The following FRMPD4 variants were observed in gnomAD, a reference collection of about 807,000 sequenced individuals.
FRMPD4 encodes FERM and PDZ domain containing 4, also known as FERM and PDZ domain-containing protein 4.
FRMPD4 carries 22 observed loss-of-function variants against 94.1 expected under a neutral mutation model. The observed-to-expected ratio is 0.23, with a 90% CI of 0.17 to 0.33. The LOEUF is 0.33. Ranked by LOEUF, FRMPD4 falls within the 10% of genes least tolerant of loss-of-function variation. The pLI is 1.00. For synonymous variants in FRMPD4, 631 were observed against 548.6 expected (o/e 1.15, Z -2.10); for missense variants, 1,111 against 1,339.9 (o/e 0.83, Z 2.67).
At chrX:12,457,686 T>TG (rs1388828567) in intron 1 of FRMPD4, among the ~76,000 whole-genome samples, 2 of 112,074 alleles carry the variant, frequency 1.8e-5, no homozygotes, top group Non-Finnish European at 3.8e-5. Context: ...GTCAGGTAAG[T>TG]GTTGATTCTT....
chrX:12,599,973 G>A (rs1245314485), intron 2 of FRMPD4, among the ~76,000 whole-genome samples: 1 of 111,242 alleles, frequency 9.0e-6, no homozygotes, highest in Non-Finnish European at 1.9e-5. Flanking sequence ...CAAATATTTT[G>A]CTATCACTGC....
At chrX:12,518,402 T>C (rs1006773116) in intron 2 of FRMPD4, among the ~76,000 whole-genome samples, 1 of 111,357 alleles carries the variant, frequency 9.0e-6, no homozygotes, top group Non-Finnish European at 1.9e-5. Context: ...AAAATAAAAC[T>C]AGAGCCCAAT....
chrX:11,889,756 G>A (rs1258289851), intron 3 of FRMPD4, among the ~76,000 whole-genome samples: 1 of 112,183 alleles, frequency 8.9e-6, no homozygotes, highest in Admixed American at 9.5e-5. Context: ...AGTCAACTGG[G>A]GCTGGAATGT....
intron 1 of FRMPD4, among the ~76,000 whole-genome samples, chrX:11,861,304 C>T (rs1331868615): frequency 2.7e-5 from 3 of 111,213 alleles, no homozygotes; most frequent in African/African-American, 9.8e-5. Flanking sequence ...GTGTATTCCT[C>T]CATGACTTCA....
At chrX:11,908,165 G>A (rs1010767719) in intron 3 of FRMPD4, among the ~76,000 whole-genome samples, 3 of 111,818 alleles carry the variant, frequency 2.7e-5, no homozygotes, top group Admixed American at 9.5e-5. Context: ...TGACTGCTCC[G>A]TGTGTAGGTC....
At chrX:11,933,051 A>G (rs1569128530) in intron 3 of FRMPD4, among the ~76,000 whole-genome samples, 1 of 111,541 alleles carries the variant, frequency 9.0e-6, no homozygotes, top group Non-Finnish European at 1.9e-5. Context: ...GGAGTTTAAG[A>G]CCGAGTCCCC....
At chrX:12,029,147 T>C (rs756599730) in intron 3 of FRMPD4, among the ~76,000 whole-genome samples, 1 of 112,397 alleles carries the variant, frequency 8.9e-6, no homozygotes, top group Non-Finnish European at 1.9e-5. Flanking sequence ...ACATTTGTTG[T>C]TGATAATGTT....
chrX:12,490,390 C>G (rs1219257118), intron 1 of FRMPD4, among the ~76,000 whole-genome samples: 1 of 110,944 alleles, frequency 9.0e-6, no homozygotes, highest in Non-Finnish European at 1.9e-5. Flanking sequence ...AGATGCTAGG[C>G]TAGAAGAAAA....
intron 3 of FRMPD4, among the ~76,000 whole-genome samples, chrX:11,903,358 A>G (rs1363043528): frequency 6.2e-5 from 7 of 112,591 alleles, no homozygotes; most frequent in Non-Finnish European, 5.6e-5. Context: ...TTGGCTGAAG[A>G]CCAGATTAAA....
chrX:12,125,064 C>T (rs1250256284), intron 3 of FRMPD4, among the ~76,000 whole-genome samples: 1 of 112,021 alleles, frequency 8.9e-6, no homozygotes, highest in East Asian at 2.8e-4. Context: ...TCTTAAGTCA[C>T]TGTGCAAGTG....
intron 3 of FRMPD4, among the ~76,000 whole-genome samples, chrX:11,886,299 A>T (rs1276268952): frequency 8.9e-6 from 1 of 111,997 alleles, no homozygotes; most frequent in African/African-American, 3.2e-5. Context: ...CTGTCTCAAT[A>T]AAGTGGATTT....
chrX:11,919,446 G>A (rs1316479953), intron 3 of FRMPD4, among the ~76,000 whole-genome samples: 1 of 111,534 alleles, frequency 9.0e-6, no homozygotes, highest in Non-Finnish European at 1.9e-5. Flanking sequence ...AGGGCCAATA[G>A]GGAGTGGGAG....
intron 1 of FRMPD4, among the ~76,000 whole-genome samples, chrX:12,431,744 T>G (rs774766139): frequency 1.4e-3 from 153 of 112,539 alleles, no homozygotes; most frequent in African/African-American, 4.7e-3. Flanking sequence ...TCATGGTTGA[T>G]AATTTTGTTT....
chrX:12,209,364 A>G (rs148281533), intron 1 of FRMPD4, among the ~76,000 whole-genome samples: 1,134 of 112,358 alleles, frequency 0.01, 16 homozygotes, highest in African/African-American at 0.034. Flanking sequence ...AGAACCAAAA[A>G]CCAGTATATG....
At chrX:12,418,346 C>CTTTTT (rs1569268568) in intron 1 of FRMPD4, among the ~76,000 whole-genome samples, 1 of 57,477 alleles carries the variant, frequency 1.7e-5, no homozygotes, top group Non-Finnish European at 2.9e-5. Flanking sequence ...ATCAGTGTTT[C>CTTTTT]TTTCTTTTTT....
intron 2 of FRMPD4, among the ~76,000 whole-genome samples, chrX:12,541,108 A>G (rs1386622381): frequency 8.9e-6 from 1 of 112,456 alleles, no homozygotes; most frequent in East Asian, 2.8e-4. Flanking sequence ...AGGGAAATTT[A>G]TAGCACTAAA....
At chrX:11,955,553 C>A (rs1175255160) in intron 3 of FRMPD4, among the ~76,000 whole-genome samples, 1 of 109,192 alleles carries the variant, frequency 9.2e-6, no homozygotes, top group East Asian at 2.9e-4. Flanking sequence ...AGATCGAGAC[C>A]ACGGTGAAAC....
intron 1 of FRMPD4, among the ~76,000 whole-genome samples, chrX:12,235,561 G>A (rs944704109): frequency 2.7e-5 from 3 of 112,189 alleles, no homozygotes; most frequent in African/African-American, 9.7e-5. Flanking sequence ...ATGCATAGCT[G>A]ATAGTGTAAT....
intron 1 of FRMPD4, among the ~76,000 whole-genome samples, chrX:12,474,164 T>G (rs916064820): frequency 1.8e-5 from 2 of 108,296 alleles, no homozygotes; most frequent in Non-Finnish European, 1.9e-5. Flanking sequence ...AGAAACTCAC[T>G]CAAAACCAAC....
Sources: allele counts gnomAD v4.1 joint callset (sites outside exome capture counted in the v4.1 genomes callset), GRCh38; gene constraint gnomAD v4.1.1; transcripts MANE v1.5; gene names NCBI Gene and HGNC (gene_info 2026-07-23, HGNC 2026-07-21).